The following CDKL5 variants were observed in gnomAD, a reference collection of about 807,000 sequenced individuals.
CDKL5 encodes cyclin dependent kinase like 5.
Under a neutral mutation model 61.7 loss-of-function variants are expected in CDKL5, and 8 were observed. The ratio of observed to expected loss-of-function variants is 0.13; its 90% CI spans 0.08 to 0.23. The LOEUF is 0.23. Among genes scored for constraint, CDKL5 ranks in the 10% least tolerant of loss-of-function variants. The pLI, the probability that CDKL5 is intolerant of heterozygous loss-of-function variation, is 1.00. For missense variants in CDKL5, 440 were observed against 734.5 expected, an observed-to-expected ratio of 0.60 and a Z score of 4.63; for synonymous variants, 275 against 272.3, an observed-to-expected ratio of 1.01 and a Z score of -0.10.
At chrX:18,613,506 C>T (rs1416242363) in intron 15 of CDKL5, among the ~76,000 whole-genome samples, 2 of 111,926 alleles carry the variant, frequency 1.8e-5, no homozygotes, top group African/African-American at 6.5e-5. Flanking sequence ...TTATTAAATA[C>T]CTGATACGCT....
intron 8 of CDKL5, chrX:18,587,537 A>G (rs1013404635): frequency 1.2e-5 from 2 of 164,238 alleles, no homozygotes; most frequent in Non-Finnish European, 2.3e-5. Flanking sequence ...GACTGAACTC[A>G]TAAAATGGAT....
At chrX:18,448,266 A>T (rs1350473623) in intron 1 of CDKL5, among the ~76,000 whole-genome samples, 1 of 111,880 alleles carries the variant, frequency 8.9e-6, no homozygotes, top group African/African-American at 3.3e-5. Flanking sequence ...TGCCAATGTG[A>T]TATAAAATAT....
At chrX:18,617,210 T>C (rs959839615) in intron 15 of CDKL5, among the ~76,000 whole-genome samples, 8 of 111,656 alleles carry the variant, frequency 7.2e-5, no homozygotes, top group Non-Finnish European at 1.5e-4. Context: ...TAGATAACGT[T>C]AGAGTCCCAT....
At chrX:18,444,341 C>T (rs952594300) in intron 1 of CDKL5, among the ~76,000 whole-genome samples, 23 of 111,649 alleles carry the variant, frequency 2.1e-4, no homozygotes, top group Non-Finnish European at 3.9e-4. Context: ...ATCTATCATA[C>T]GATTCACTAA....
At chrX:18,571,440 A>T (rs1056833894) in intron 4 of CDKL5, among the ~76,000 whole-genome samples, 1 of 111,403 alleles carries the variant, frequency 9.0e-6, no homozygotes, top group African/African-American at 3.3e-5. Flanking sequence ...AGCCTTGATA[A>T]AGAATCCTAG....
At chrX:18,530,701 CTT>C (rs1162871762) in intron 3 of CDKL5, among the ~76,000 whole-genome samples, 3 of 111,578 alleles carry the variant, frequency 2.7e-5, no homozygotes, top group Non-Finnish European at 5.6e-5. Flanking sequence ...TTAGACTATG[CTT>C]TTTCTTGCTT....
intron 3 of CDKL5, among the ~76,000 whole-genome samples, chrX:18,550,725 G>C (rs779650261): frequency 8.9e-6 from 1 of 112,586 alleles, no homozygotes; most frequent in South Asian, 3.6e-4. Context: ...TCAGTTACTT[G>C]ATCACTAGAA....
At chrX:18,466,871 G>A (rs1920965635) in intron 1 of CDKL5, among the ~76,000 whole-genome samples, 1 of 111,145 alleles carries the variant, frequency 9.0e-6, no homozygotes, top group African/African-American at 3.3e-5. Context: ...GGAGCTCTCC[G>A]CATTTGCAGA....
At chrX:18,513,499 A>C (rs1034836942) in intron 3 of CDKL5, among the ~76,000 whole-genome samples, 1 of 111,403 alleles carries the variant, frequency 9.0e-6, no homozygotes, top group African/African-American at 3.3e-5. Flanking sequence ...TAAAAAAAAA[A>C]CAAGTCTGTG....
chrX:18,449,731 A>G (rs989963525), intron 1 of CDKL5, among the ~76,000 whole-genome samples: 2 of 108,881 alleles, frequency 1.8e-5, no homozygotes, highest in African/African-American at 6.7e-5. Flanking sequence ...GCCCATTTAT[A>G]TTTTTTCCTG....
At chrX:18,596,464 A>G (rs1925998571) in intron 10 of CDKL5, among the ~76,000 whole-genome samples, 2 of 112,105 alleles carry the variant, frequency 1.8e-5, no homozygotes, top group South Asian at 3.7e-4. Context: ...GTCTTACCCA[A>G]TATTTTCCAA....
chrX:18,561,850 A>T (rs995735415), intron 3 of CDKL5, among the ~76,000 whole-genome samples: 3 of 112,135 alleles, frequency 2.7e-5, no homozygotes, highest in Admixed American at 9.5e-5. Context: ...AATAATTAAA[A>T]TATCAAGATA....
chrX:18,450,539 G>T (rs1277973593), intron 1 of CDKL5, among the ~76,000 whole-genome samples: 1 of 111,725 alleles, frequency 9.0e-6, no homozygotes, highest in Non-Finnish European at 1.9e-5. Context: ...TTCCTGTCCA[G>T]GGATAAATAT....
At chrX:18,434,342 C>T (rs1156438506) in intron 1 of CDKL5, among the ~76,000 whole-genome samples, 1 of 111,167 alleles carries the variant, frequency 9.0e-6, no homozygotes, top group East Asian at 2.8e-4. Context: ...TTATATGTAC[C>T]AGGCAGGTAA....
At chrX:18,448,273 A>C (rs1284360281) in intron 1 of CDKL5, among the ~76,000 whole-genome samples, 1 of 111,975 alleles carries the variant, frequency 8.9e-6, no homozygotes, top group Non-Finnish European at 1.9e-5. Flanking sequence ...GTGATATAAA[A>C]TATGATTTAG....
At chrX:18,465,122 T>A (rs1344425006) in intron 1 of CDKL5, among the ~76,000 whole-genome samples, 1 of 111,204 alleles carries the variant, frequency 9.0e-6, no homozygotes, top group Admixed American at 9.6e-5. Flanking sequence ...GGAGGTTAAG[T>A]TGAATTTTGT....
chrX:18,642,855 C>T (rs1927634828), downstream of CDKL5, among the ~76,000 whole-genome samples: 2 of 109,494 alleles, frequency 1.8e-5, no homozygotes, highest in Non-Finnish European at 3.8e-5. Context: ...GCCTGGCCAA[C>T]ACACAGTGAG....
rs1927292714 is a variant in CDKL5 at position 18,633,603 on chromosome X, T to C, written c.*4846T>C. The C allele has an allele frequency of 6.6e-6, 5 of 754,514 alleles. No individual in the cohort carries two copies. Among genetic ancestry groups the C allele is most frequent in the Non-Finnish European group, 7.8e-6 (5 of 639,390 alleles). 62.2% of individuals were successfully genotyped at this position (754,514 alleles called of 1,213,427 possible). On this transcript the variant is annotated 3_prime_UTR_variant, in exon 18 of 18. Transcript: ENST00000623535. ...CTCAGAAACGATGAGTAAGAAACCA[T>C]ACAAGAAAAAGAAGTCCCTCATCTA...
chrX:18,514,959 C>T (rs1055635251), intron 3 of CDKL5, among the ~76,000 whole-genome samples: 3 of 109,663 alleles, frequency 2.7e-5, no homozygotes, highest in Admixed American at 9.8e-5. Flanking sequence ...CCAACATGCC[C>T]GGCTAATTTT....
Sources: gnomAD v4.1 joint callset for allele counts (sites outside exome capture counted in the v4.1 genomes callset) on GRCh38, gnomAD v4.1.1 for gene constraint, MANE v1.5 for transcripts, NCBI Gene and HGNC (gene_info 2026-07-23, HGNC 2026-07-21) for gene names.